The following KLRD1 variants were observed in gnomAD, a reference collection of about 807,000 sequenced individuals.
The protein encoded by KLRD1 is natural killer cells antigen CD94.
In KLRD1, 21 loss-of-function variants were observed where a neutral mutation model predicts 22.6. That is an observed-to-expected ratio of 0.93 (90% CI 0.66 to 1.34). KLRD1 has a LOEUF of 1.34. KLRD1 is among the 40% of genes most tolerant of loss of function. The pLI is 0.00. For missense variants in KLRD1, 183 were observed against 208.6 expected (o/e 0.88, Z 0.76); for synonymous variants, 59 against 71.1 (o/e 0.83, Z 0.85).
Position 10,248,237 on chromosome 12 carries a change from T to A in KLRD1, c.-101+22004T>A, listed in dbSNP as rs183101267. 4.3e-3 allele frequency among the ~76,000 whole-genome samples: 649 copies of A among 151,606 alleles called. 5 individuals carry two copies. The highest frequency in any genetic ancestry group is 0.013 in the African/African-American group (553 of 41,360). On this transcript the variant is annotated intron_variant, in intron 1 of 5. Coordinates refer to the KLRD1 transcript ENST00000544747. The stretch of plus-strand genomic sequence containing the variant: ...CCCCACAATTTTTCTAATCCTGTTT[T>A]AAAAAAAAATCTATGAGACTTTTAC...
In KLRD1 at chr12:10,311,605, C is replaced by G. The variant is rs142694897; in HGVS notation, c.305C>G (p.Thr102Arg). Residue 102 changes from threonine to arginine, a missense_variant, in exon 4 of 6, where the codon ACA becomes AGA. Thr to Arg is a moderately conservative substitution (Grantham distance 71, BLOSUM62 -1). Transcript: ENST00000336164. ...TCCAGCCTGCTTCAGCTTCAAAACA[C>G]AGATGAACTGGCATGTGCTGAGTCT... ...QKSSLLQLQNTDELDFMSSSQ... is the reference protein window; with the variant it reads ...QKSSLLQLQNRDELDFMSSSQ... 3.7e-6 allele frequency: 6 copies of G among 1,614,088 alleles called. No individual in the cohort carries two copies. In the Admixed American group the frequency reaches 8.3e-5, roughly 22 times the overall value.
At chr12:10,263,306 A>T (rs1949470743) in intron 1 of KLRD1, among the ~76,000 whole-genome samples, 1 of 152,030 alleles carries the variant, frequency 6.6e-6, no homozygotes, top group African/African-American at 2.4e-5. Flanking sequence ...TAATTCATTA[A>T]CATTAAAATT....
At chr12:10,271,922 A>G (rs1246614457) in intron 1 of KLRD1, among the ~76,000 whole-genome samples, 2 of 152,198 alleles carry the variant, frequency 1.3e-5, no homozygotes, top group Non-Finnish European at 2.9e-5. Flanking sequence ...AATCGTTTAT[A>G]GATCTATTGT....
At position 10,327,185 on chromosome 12, in the gene KLRD1, C is replaced by T. The variant is rs1411232858; in HGVS notation, c.*12392C>T. ...ATTTCCCCTTAAATAGTCCTGCCACCCAAAGACCGTTTAACCATATTTGCA... is the reference window on the plus strand; with the variant it reads ...ATTTCCCCTTAAATAGTCCTGCCACTCAAAGACCGTTTAACCATATTTGCA... On this transcript the variant is annotated 3_prime_UTR_variant, in exon 6 of 6. Coordinates refer to ENST00000336164, the MANE Select transcript of KLRD1 (RefSeq NM_002262.5). 6.6e-6 allele frequency: 1 copy of T among 152,178 alleles called. No individual in the cohort carries two copies. The highest frequency in any genetic ancestry group is 2.4e-5 in the African/African-American group (1 of 41,438). The allele number at this position is 152,178 out of a possible 1,614,324, so 9.4% of individuals were successfully genotyped here.
chr12:10,258,947 G>C (rs1017422460), intron 1 of KLRD1, among the ~76,000 whole-genome samples: 1 of 152,166 alleles, frequency 6.6e-6, no homozygotes, highest in Non-Finnish European at 1.5e-5. Context: ...AAGAAACTTA[G>C]ATCATTTGTA....
At chr12:10,239,549 TTCTTTCTTTCTTTC>T (rs1333159145) in intron 1 of KLRD1, among the ~76,000 whole-genome samples, 88 of 127,204 alleles carry the variant, frequency 6.9e-4, no homozygotes, top group African/African-American at 3.6e-3. Flanking sequence ...CTTTCTTTCT[TTCTTTCTTTCTTTC>T]TTTCTTTCTT....
At chr12:10,274,997 T>A (rs1008373700) in intron 1 of KLRD1, among the ~76,000 whole-genome samples, 2 of 152,098 alleles carry the variant, frequency 1.3e-5, no homozygotes, top group Admixed American at 1.3e-4. Flanking sequence ...TTCAAGCGAT[T>A]CTCTGCCTCA....
At position 10,326,274 on chromosome 12, in the gene KLRD1, A is replaced by G. The variant is rs771188351; in HGVS notation, c.*11481A>G. The G allele has an allele frequency of 6.6e-6, 1 of 151,950 alleles. No homozygotes were observed. Among genetic ancestry groups the G allele is most frequent in the African/African-American group, 2.4e-5 (1 of 41,364 alleles). The allele number at this position is 151,950 out of a possible 1,614,324, so 9.4% of individuals were successfully genotyped here. A position where few individuals can be genotyped will look rare whatever the true frequency, so the allele number is the denominator to read the frequency against. The stretch of plus-strand genomic sequence containing the variant: ...ATTCTGTAGATCATCCTTTCATTCC[A>G]TTGGTTATTTCCTTTGTGAACCCTG... On this transcript the variant is annotated 3_prime_UTR_variant, in exon 6 of 6. Coordinates refer to ENST00000336164, the MANE Select transcript of KLRD1 (RefSeq NM_002262.5).
intron 1 of KLRD1, among the ~76,000 whole-genome samples, chr12:10,291,760 T>C (rs1274422445): frequency 6.6e-6 from 1 of 152,064 alleles, no homozygotes; most frequent in Non-Finnish European, 1.5e-5. Context: ...CCTACATGCA[T>C]TAGGTATTTG....
At chr12:10,266,321 T>C (rs908850427) in intron 1 of KLRD1, among the ~76,000 whole-genome samples, 1 of 152,154 alleles carries the variant, frequency 6.6e-6, no homozygotes, top group African/African-American at 2.4e-5. Flanking sequence ...TCTCCACACA[T>C]TGACCTATGA....
intron 1 of KLRD1, among the ~76,000 whole-genome samples, chr12:10,247,948 C>A (rs767423198): frequency 3.3e-5 from 5 of 152,192 alleles, no homozygotes; most frequent in Non-Finnish European, 5.9e-5. Flanking sequence ...GTCCCTATAG[C>A]AGCATGAGTA....
chr12:10,297,984 A>G (rs751859178), intron 1 of KLRD1, among the ~76,000 whole-genome samples: 5 of 152,246 alleles, frequency 3.3e-5, no homozygotes, highest in African/African-American at 7.2e-5. Context: ...TGATCAATCC[A>G]GAAAACACTT....
At chr12:10,281,430 T>A (rs937565540) in intron 1 of KLRD1, among the ~76,000 whole-genome samples, 1 of 152,182 alleles carries the variant, frequency 6.6e-6, no homozygotes, top group African/African-American at 2.4e-5. Context: ...CTGCCATGCA[T>A]GAAGAGTGAT....
rs750696767 is a variant in KLRD1 at position 10,324,818 on chromosome 12, G to GTGTGTATATATATATA, written c.*10026_*10027insGTGTATATATATATAT. 5.5e-4 allele frequency: 41 copies of GTGTGTATATATATATA among 74,154 alleles called. No homozygotes were observed. In the East Asian group the frequency reaches 0.011, roughly 20 times the overall value. 4.6% of individuals were successfully genotyped at this position (74,154 alleles called of 1,614,324 possible). A position where few individuals can be genotyped will look rare whatever the true frequency, so the allele number is the denominator to read the frequency against. Reference sequence around the variant, plus strand: ...AGTATATATGTATATGTGTGTGTGTGTATATATATATATATATATATATAT... The same window carrying GTGTGTATATATATATA: ...AGTATATATGTATATGTGTGTGTGTGTGTGTATATATATATATATATATATATATATATATATATAT... On this transcript the variant is annotated 3_prime_UTR_variant, in exon 6 of 6. Transcript: ENST00000336164.
chr12:10,322,419 C>A lies in KLRD1; in HGVS notation c.*7626C>A, dbSNP rs1950319799. ...CTTCTTTGAGGTTCTATTGTTATAA[C>A]CCTTATACAATAAAAAACAACTCTT... On this transcript the variant is annotated 3_prime_UTR_variant, in exon 6 of 6. Coordinates refer to ENST00000336164, the MANE Select transcript of KLRD1 (RefSeq NM_002262.5). 2 of 152,132 alleles carry A rather than the reference C, an allele frequency of 1.3e-5. No homozygotes were observed. Among genetic ancestry groups the A allele is most frequent in the Admixed American group, 1.3e-4 (2 of 15,266 alleles). The allele number at this position is 152,132 out of a possible 1,614,324, so 9.4% of individuals were successfully genotyped here.
chr12:10,278,996 T>C (rs1419325224), intron 1 of KLRD1, among the ~76,000 whole-genome samples: 1 of 151,726 alleles, frequency 6.6e-6, no homozygotes, highest in African/African-American at 2.4e-5. Context: ...AGTTTTTTTT[T>C]TTTTTTAATT....
chr12:10,261,761 A>G (rs7957898), intron 1 of KLRD1, among the ~76,000 whole-genome samples: 1,699 of 152,286 alleles, frequency 0.011, 40 homozygotes, highest in Admixed American at 0.063. Flanking sequence ...GAAAAAAAGT[A>G]TCATTCTCTC....
chr12:10,313,909 A>G (rs574820564), intron 5 of KLRD1, among the ~76,000 whole-genome samples: 40 of 152,324 alleles, frequency 2.6e-4, no homozygotes, highest in Admixed American at 1.5e-3. Flanking sequence ...CTTAGTTCAA[A>G]TTAAACATTT....
intron 1 of KLRD1, among the ~76,000 whole-genome samples, chr12:10,245,151 A>C (rs1285168721): frequency 2.0e-5 from 3 of 152,146 alleles, no homozygotes; most frequent in Non-Finnish European, 2.9e-5. Flanking sequence ...TGAGGTCACG[A>C]GTTCAAGACC....
Sources: allele counts gnomAD v4.1 joint callset (sites outside exome capture counted in the v4.1 genomes callset), GRCh38; gene constraint gnomAD v4.1.1; transcripts MANE v1.5; gene names NCBI Gene and HGNC (gene_info 2026-07-23, HGNC 2026-07-21).